PRKCB: variants seen among roughly 807,000 people sequenced by gnomAD.
PRKCB encodes protein kinase C beta type.
A neutral mutation model predicts 81.5 loss-of-function variants in PRKCB; 13 were observed. The ratio of observed to expected loss-of-function variants is 0.16; its 90% confidence interval spans 0.10 to 0.25. The LOEUF (loss-of-function observed/expected upper bound fraction) is 0.25. Ranked by LOEUF, PRKCB falls within the 10% of genes least tolerant of loss-of-function variation. The pLI is 1.00. For synonymous variants in PRKCB, 335 were observed against 321.4 expected (o/e 1.04, Z -0.45); for missense variants, 509 against 875.7 (o/e 0.58, Z 5.29).
chr16:23,876,108 C>T (rs766981477), intron 2 of PRKCB, among the ~76,000 whole-genome samples: 2 of 152,200 alleles, frequency 1.3e-5, no homozygotes, highest in South Asian at 2.1e-4. Context: ...CATTTACACA[C>T]GCATGCAGTC....
rs1567302671 is a variant in PRKCB, at chr16:23,886,413, T to TG, written c.205+49007_205+49008insG. 4.5e-3 allele frequency among the ~76,000 whole-genome samples: 497 copies of TG among 111,370 alleles called. 7 individuals carry two copies. Among genetic ancestry groups the TG allele is most frequent in the African/African-American group, 0.015 (445 of 29,116 alleles). 73.1% of individuals were successfully genotyped at this position (111,370 alleles called of 152,430 possible). On this transcript the variant is annotated intron_variant, in intron 2 of 16. Transcript: ENST00000643927. ...GACTATGGTGTGTTAGGTGTTTTTT[T>TG]TTTTTTTTTTTTTTTTTTTGATGAA...
intron 15 of PRKCB, among the ~76,000 whole-genome samples, chr16:24,186,007 G>A (rs1349860317): frequency 5.3e-5 from 8 of 152,184 alleles, no homozygotes; most frequent in Admixed American, 6.5e-5. Context: ...ATACCACGCC[G>A]TGTTGAGGTT....
At chr16:24,104,503 A>C (rs752064540) in intron 7 of PRKCB, among the ~76,000 whole-genome samples, 3 of 152,254 alleles carry the variant, frequency 2.0e-5, no homozygotes, top group Non-Finnish European at 4.4e-5. Context: ...AATAAGTAAT[A>C]AAACATGGCA....
At chr16:24,105,780 TG>T (rs1966569532) in intron 7 of PRKCB, among the ~76,000 whole-genome samples, 2 of 152,240 alleles carry the variant, frequency 1.3e-5, no homozygotes, top group South Asian at 4.1e-4. Context: ...CTATCATTGA[TG>T]GGCATTTGGG....
At chr16:24,066,075 CTG>C (rs58216806) in intron 5 of PRKCB, among the ~76,000 whole-genome samples, 7,341 of 139,570 alleles carry the variant, frequency 0.053, 373 homozygotes, top group African/African-American at 0.15. Flanking sequence ...TGTGATGTTC[CTG>C]TGTGTGTGTG....
intron 7 of PRKCB, among the ~76,000 whole-genome samples, chr16:24,101,577 T>C (rs544261650): frequency 6.6e-6 from 1 of 152,230 alleles, no homozygotes; most frequent in East Asian, 1.9e-4. Flanking sequence ...AAAAATGAAG[T>C]TGAACTGAAA....
chr16:23,961,535 G>A (rs1964426414), intron 2 of PRKCB, among the ~76,000 whole-genome samples: 2 of 152,172 alleles, frequency 1.3e-5, no homozygotes, highest in Admixed American at 6.5e-5. Flanking sequence ...GTATAGGACT[G>A]CTTCTTTCCT....
At chr16:24,172,033 A>G (rs1334091254) in intron 10 of PRKCB, 3 of 397,408 alleles carry the variant, frequency 7.5e-6, no homozygotes, top group Non-Finnish European at 1.4e-5. Flanking sequence ...GTGAGCCACC[A>G]TGCCTGGCCA....
intron 2 of PRKCB, among the ~76,000 whole-genome samples, chr16:23,924,678 G>T (rs769701120): frequency 3.3e-5 from 5 of 151,900 alleles, no homozygotes; most frequent in Non-Finnish European, 7.4e-5. Context: ...AAGGCTCCAC[G>T]TATACCATGG....
intron 5 of PRKCB, among the ~76,000 whole-genome samples, chr16:24,040,640 C>T (rs1965686507): frequency 2.0e-5 from 3 of 152,168 alleles, no homozygotes; most frequent in Admixed American, 2.0e-4. Context: ...GGCTCAATGG[C>T]TGTATGTATG....
rs1156443259 is a variant in PRKCB, at chr16:23,931,023, T to A, written c.206-57485T>A. On this transcript the variant is annotated intron_variant, in intron 2 of 16. Coordinates refer to ENST00000643927, the MANE Select transcript of PRKCB (RefSeq NM_002738.7). ...GCCCAGAGATGGACCCAGTCTGGCA[T>A]GGGCTTATCCCCTGGAGCACTGTGA... Among the ~76,000 whole-genome samples the A allele has an allele frequency of 2.0e-5, 3 of 152,252 alleles. No homozygotes were observed. In the East Asian group the frequency reaches 5.8e-4, roughly 29 times the overall value.
chr16:23,861,837 T>C, intron 2 of PRKCB, among the ~76,000 whole-genome samples: 1 of 152,336 alleles, frequency 6.6e-6, no homozygotes, highest in African/African-American at 2.4e-5. Flanking sequence ...TCCTTCACAA[T>C]ATCCTTGAGC....
At chr16:23,942,542 T>C (rs894487136) in intron 2 of PRKCB, among the ~76,000 whole-genome samples, 4 of 152,198 alleles carry the variant, frequency 2.6e-5, no homozygotes, top group African/African-American at 9.7e-5. Flanking sequence ...TCGATTCAAA[T>C]TTTATTTTTG....
chr16:24,035,785 T>C (rs781042477), intron 5 of PRKCB, among the ~76,000 whole-genome samples: 4 of 152,196 alleles, frequency 2.6e-5, no homozygotes, highest in Non-Finnish European at 5.9e-5. Flanking sequence ...CCAGGCTGAC[T>C]TGGGTTCAGA....
At chr16:23,865,855 G>C (rs2141094589) in intron 2 of PRKCB, among the ~76,000 whole-genome samples, 1 of 152,016 alleles carries the variant, frequency 6.6e-6, no homozygotes, top group South Asian at 2.1e-4. Flanking sequence ...CCAGAAGAGG[G>C]AGGCCTCTCT....
At chr16:24,213,457 C>CG (rs1187437105) in intron 16 of PRKCB, among the ~76,000 whole-genome samples, 1 of 152,088 alleles carries the variant, frequency 6.6e-6, no homozygotes, top group Non-Finnish European at 1.5e-5. Flanking sequence ...GTCTCAGTTC[C>CG]GTCATCTATA....
At chr16:24,138,741 C>T (rs533776313) in intron 9 of PRKCB, among the ~76,000 whole-genome samples, 4 of 152,136 alleles carry the variant, frequency 2.6e-5, no homozygotes, top group Admixed American at 2.6e-4. Flanking sequence ...TCAACATCTC[C>T]CCATTTTCTC....
intron 16 of PRKCB, among the ~76,000 whole-genome samples, chr16:24,200,178 T>A (rs1371780642): frequency 1.3e-5 from 2 of 152,120 alleles, no homozygotes; most frequent in Non-Finnish European, 2.9e-5. Flanking sequence ...ATGGCAGCAT[T>A]GAAATGAGGC....
rs114056453 is a variant in PRKCB, at chr16:23,975,085, G to A, written c.206-13423G>A. 2.2e-3 allele frequency among the ~76,000 whole-genome samples: 337 copies of A among 152,316 alleles called. 4 individuals carry two copies. The highest frequency in any genetic ancestry group is 2.7e-3 in the African/African-American group (111 of 41,580). ...AGCTACCAGAGAAAAGGGAGTGGAC[G>A]CTGGGCAGGCAAAGCCAACAGACAC... On this transcript the variant is annotated intron_variant, in intron 2 of 16. Coordinates refer to ENST00000643927, the MANE Select transcript of PRKCB (RefSeq NM_002738.7).
Sources: gnomAD v4.1 joint callset for allele counts (sites outside exome capture counted in the v4.1 genomes callset) on GRCh38, gnomAD v4.1.1 for gene constraint, MANE v1.5 for transcripts, NCBI Gene and HGNC (gene_info 2026-07-23, HGNC 2026-07-21) for gene names.